Variants in ZNF385D observed in about 807,000 individuals in gnomAD.
The protein encoded by ZNF385D is zinc finger protein 385D.
ZNF385D carries 15 observed loss-of-function variants against 35.8 expected under a neutral mutation model. The observed-to-expected ratio is 0.42, with a 90% confidence interval of 0.28 to 0.64. ZNF385D has a LOEUF of 0.64. Ranked by LOEUF, ZNF385D falls within the 30% of genes least tolerant of loss-of-function variation. ZNF385D has a pLI of 0.23. For synonymous variants in ZNF385D, 212 were observed against 186.8 expected, an observed-to-expected ratio of 1.13 and a Z score of -1.10; for missense variants, 474 against 494.6, an observed-to-expected ratio of 0.96 and a Z score of 0.39.
chr3:21,666,895 C>T lies in ZNF385D; in HGVS notation c.23-1867G>A, dbSNP rs560093002. Among the ~76,000 whole-genome samples, 492 of 152,122 alleles carry T rather than the reference C, an allele frequency of 3.2e-3. 2 individuals carry two copies. The highest frequency in any genetic ancestry group is 0.011 in the African/African-American group (456 of 41,518). On this transcript the variant is annotated intron_variant, in intron 1 of 7. Transcript: ENST00000281523. ...GAGTTCAAGACCAGCCTGGCTAACA[C>T]GGCGAAACTCCATCTCTACTAAAAA...
intron 3 of ZNF385D, among the ~76,000 whole-genome samples, chr3:21,877,178 G>T (rs574421976): frequency 6.6e-6 from 1 of 152,106 alleles, no homozygotes; most frequent in Non-Finnish European, 1.5e-5. Context: ...GATAAACAAG[G>T]TCATTTCAGA....
At chr3:21,423,461 A>ATTCATCTCCTG (rs1700837043) in intron 7 of ZNF385D, among the ~76,000 whole-genome samples, 1 of 152,180 alleles carries the variant, frequency 6.6e-6, no homozygotes, top group Admixed American at 6.5e-5. Context: ...GTTCATCAAT[A>ATTCATCTCCTG]TTCATCTACA....
chr3:21,514,626 G>T (rs1040173583), intron 3 of ZNF385D, among the ~76,000 whole-genome samples: 1 of 151,876 alleles, frequency 6.6e-6, no homozygotes, highest in African/African-American at 2.4e-5. Context: ...ATTCAAATAG[G>T]ACAAACAGGG....
At chr3:21,995,490 G>T (rs1452831810) in intron 3 of ZNF385D, among the ~76,000 whole-genome samples, 1 of 152,104 alleles carries the variant, frequency 6.6e-6, no homozygotes, top group Non-Finnish European at 1.5e-5. Flanking sequence ...GCCCCCTGAA[G>T]GTATGCACAG....
At chr3:21,970,617 G>A in intron 3 of ZNF385D, among the ~76,000 whole-genome samples, 1 of 151,950 alleles carries the variant, frequency 6.6e-6, no homozygotes, top group South Asian at 2.1e-4. Flanking sequence ...TAGAGAGAGA[G>A]AGAGAGAGAA....
chr3:21,464,798 G>A (rs1703410028), intron 4 of ZNF385D, among the ~76,000 whole-genome samples: 1 of 143,178 alleles, frequency 7.0e-6, no homozygotes, highest in South Asian at 2.3e-4. Context: ...AATAATTTCT[G>A]GATAAGAGAA....
intron 3 of ZNF385D, among the ~76,000 whole-genome samples, chr3:22,093,504 G>A (rs1701437649): frequency 6.6e-6 from 1 of 151,914 alleles, no homozygotes; most frequent in Admixed American, 6.6e-5. Flanking sequence ...TAATATTAAA[G>A]GTCTATTTAT....
At chr3:21,965,618 G>A (rs1296805737) in intron 3 of ZNF385D, among the ~76,000 whole-genome samples, 6 of 152,120 alleles carry the variant, frequency 3.9e-5, no homozygotes, top group Admixed American at 1.3e-4. Context: ...GTCTAGATTG[G>A]ATTCTGGACA....
At chr3:21,905,037 T>G (rs952920861) in intron 3 of ZNF385D, among the ~76,000 whole-genome samples, 2 of 151,926 alleles carry the variant, frequency 1.3e-5, no homozygotes, top group Non-Finnish European at 2.9e-5. Flanking sequence ...CTATAATAGA[T>G]TAAAATACCT....
intron 4 of ZNF385D, among the ~76,000 whole-genome samples, chr3:21,478,421 T>G (rs747935815): frequency 6.6e-6 from 1 of 152,162 alleles, no homozygotes; most frequent in Non-Finnish European, 1.5e-5. Context: ...AGATAATGTA[T>G]GCCCTAACAT....
chr3:21,990,438 G>T lies in ZNF385D; in HGVS notation c.325+178379C>A, dbSNP rs13340195. 3.2e-3 allele frequency among the ~76,000 whole-genome samples: 482 copies of T among 152,268 alleles called. 4 individuals carry two copies. Among genetic ancestry groups the T allele is most frequent in the African/African-American group, 0.011 (451 of 41,566 alleles). On this transcript the variant is annotated intron_variant, in intron 3 of 5. Coordinates refer to the ZNF385D transcript ENST00000494108. ...CTAGCAAGAGCTCATAATATTGCCT[G>T]TGCCTTTATCAGGGTGATAAGGTTA...
intron 2 of ZNF385D, among the ~76,000 whole-genome samples, chr3:22,317,931 T>C (rs1445941146): frequency 1.3e-5 from 2 of 152,002 alleles, no homozygotes; most frequent in Non-Finnish European, 2.9e-5. Context: ...CATGGTGGCA[T>C]GCACCTGTAA....
intron 2 of ZNF385D, among the ~76,000 whole-genome samples, chr3:21,636,344 A>ATATATATAAT (rs2065431448): frequency 7.1e-6 from 1 of 139,934 alleles, no homozygotes; most frequent in Admixed American, 7.3e-5. Context: ...ATGATTTTAC[A>ATATATATAAT]TATATATGAT....
At chr3:21,690,698 G>A (rs2067254319) in intron 1 of ZNF385D, among the ~76,000 whole-genome samples, 1 of 152,104 alleles carries the variant, frequency 6.6e-6, no homozygotes, top group Non-Finnish European at 1.5e-5. Context: ...TGATCCCCAG[G>A]CCAGCAGCGT....
chr3:21,473,542 A>G (rs1330649428), intron 4 of ZNF385D, among the ~76,000 whole-genome samples: 5 of 152,016 alleles, frequency 3.3e-5, no homozygotes, highest in Non-Finnish European at 5.9e-5. Context: ...TGTTGAACCA[A>G]TGCTATAGCT....
intron 1 of ZNF385D, among the ~76,000 whole-genome samples, chr3:21,665,240 A>G (rs1478633602): frequency 1.3e-5 from 2 of 152,124 alleles, no homozygotes; most frequent in East Asian, 3.9e-4. Context: ...TTTGATTATA[A>G]CTATCTGGTT....
At position 21,608,012 on chromosome 3, in the gene ZNF385D, C is replaced by CTTTTTTTTTTTT. The variant is rs368555930; in HGVS notation, c.166-43329_166-43328insAAAAAAAAAAAA. Among the ~76,000 whole-genome samples, 29 of 123,898 alleles carry CTTTTTTTTTTTT rather than the reference C, an allele frequency of 2.3e-4. 1 individual carries two copies. Among genetic ancestry groups the CTTTTTTTTTTTT allele is most frequent in the Middle Eastern group, 4.5e-3 (1 of 220 alleles). 81.3% of individuals were successfully genotyped at this position (123,898 alleles called of 152,430 possible). A position where few individuals can be genotyped will look rare whatever the true frequency, so the allele number is the denominator to read the frequency against. ...ATGAAAAGATGTAATTCTTTTTCTTCTTTTTTTTTTGTTTTTTTTTTTTGA... is the reference window on the plus strand; with the variant it reads ...ATGAAAAGATGTAATTCTTTTTCTTCTTTTTTTTTTTTTTTTTTTTTTGTTTTTTTTTTTTGA... On this transcript the variant is annotated intron_variant, in intron 2 of 7. Transcript: ENST00000281523.
intron 3 of ZNF385D, among the ~76,000 whole-genome samples, chr3:21,933,857 A>C (rs1701129900): frequency 6.6e-6 from 1 of 152,146 alleles, no homozygotes; most frequent in African/African-American, 2.4e-5. Flanking sequence ...TTGTTTTCTC[A>C]AGTCCAAAAG....
rs2062130740 is a variant in ZNF385D at position 21,539,895 on chromosome 3, C to T, written c.276+24679G>A. The stretch of plus-strand genomic sequence containing the variant: ...TGAGCAATTGATTTTAAAATATTTA[C>T]TTCTCTATGTCTTTTTAAACCATGA... On this transcript the variant is annotated intron_variant, in intron 3 of 7. Transcript: ENST00000281523. This position sits in a 1 kb window ranked among gnomAD's most constrained non-coding sequence, Gnocchi z 4.0. Among the ~76,000 whole-genome samples the T allele has an allele frequency of 6.6e-6, 1 of 151,964 alleles. No individual in the cohort carries two copies. The highest frequency in any genetic ancestry group is 2.1e-4 in the South Asian group (1 of 4,820).
Sources: allele counts gnomAD v4.1 joint callset (sites outside exome capture counted in the v4.1 genomes callset), GRCh38; gene constraint gnomAD v4.1.1; non-coding constraint Gnocchi (gnomAD v3.1); transcripts MANE v1.5; gene names NCBI Gene and HGNC (gene_info 2026-07-23, HGNC 2026-07-21).